The following TFDP2 variants were observed in gnomAD, a reference collection of about 807,000 sequenced individuals.
The protein encoded by TFDP2 is transcription factor Dp-2, also known as transcription factor Dp-2 (E2F dimerization partner 2).
A neutral mutation model predicts 59.3 loss-of-function variants in TFDP2; 17 were observed. The ratio of observed to expected loss-of-function variants is 0.29; its 90% confidence interval spans 0.20 to 0.43. TFDP2 has a LOEUF of 0.43. Among genes scored for constraint, TFDP2 ranks in the 20% least tolerant of loss-of-function variants. The pLI, the probability that TFDP2 is intolerant of heterozygous loss-of-function variation, is 1.00. For synonymous variants in TFDP2, 180 were observed against 194.7 expected (o/e 0.92, Z 0.63); for missense variants, 391 against 528.8 (o/e 0.74, Z 2.56).
At chr3:142,046,774 T>C (rs556067302) in intron 3 of TFDP2, among the ~76,000 whole-genome samples, 28 of 152,268 alleles carry the variant, frequency 1.8e-4, no homozygotes, top group Non-Finnish European at 3.5e-4. Flanking sequence ...TTTTAATCTG[T>C]ATTGCCAATC....
intron 6 of TFDP2, among the ~76,000 whole-genome samples, chr3:141,986,146 G>A (rs1056797238): frequency 2.0e-5 from 3 of 152,176 alleles, no homozygotes; most frequent in Non-Finnish European, 4.4e-5. Flanking sequence ...CACCACAGGA[G>A]CCCACAACAT....
intron 11 of TFDP2, among the ~76,000 whole-genome samples, chr3:141,957,786 A>G (rs1936880990): frequency 6.6e-6 from 1 of 152,198 alleles, no homozygotes; most frequent in Admixed American, 6.5e-5. Flanking sequence ...AGTGACACAA[A>G]GTAGATTAGT....
chr3:142,052,393 A>C (rs1352180799), intron 3 of TFDP2, among the ~76,000 whole-genome samples: 1 of 151,456 alleles, frequency 6.6e-6, no homozygotes, highest in African/African-American at 2.4e-5. Context: ...AAATACAAAA[A>C]AATTAGCCGG....
chr3:141,946,017 C>T lies in TFDP2; in HGVS notation c.*6496G>A, dbSNP rs765321843. On this transcript the variant is annotated 3_prime_UTR_variant, in exon 13 of 13. Transcript: ENST00000489671. ...GACACCACAGCCTCATGCTGGGGCT[C>T]GGGAAAGGAGTCCCACTTCTACCCC... is the stretch of plus-strand genomic sequence containing the variant. The T allele has an allele frequency of 3.3e-5, 5 of 152,214 alleles. No individual in the cohort carries two copies. The highest frequency in any genetic ancestry group is 4.8e-5 in the African/African-American group (2 of 41,430). The allele number at this position is 152,214 out of a possible 1,614,324, so 9.4% of individuals were successfully genotyped here.
At chr3:142,017,471 T>C (rs1418755259) in intron 3 of TFDP2, among the ~76,000 whole-genome samples, 2 of 151,934 alleles carry the variant, frequency 1.3e-5, no homozygotes, top group Non-Finnish European at 2.9e-5. Flanking sequence ...CCTTCCTTAG[T>C]GACAGCTGTG....
intron 3 of TFDP2, among the ~76,000 whole-genome samples, chr3:142,033,470 G>T (rs1178621945): frequency 6.6e-6 from 1 of 152,006 alleles, no homozygotes; most frequent in Admixed American, 6.6e-5. Flanking sequence ...AAACCCCTAT[G>T]CATGCTTTAT....
chr3:141,988,773 A>G (rs1942429876), intron 6 of TFDP2, among the ~76,000 whole-genome samples: 1 of 147,454 alleles, frequency 6.8e-6, no homozygotes, highest in Non-Finnish European at 1.5e-5. Flanking sequence ...GGTTCAAGCG[A>G]TTCTCCTGCC....
At chr3:142,059,654 A>G (rs2108510979) in intron 3 of TFDP2, among the ~76,000 whole-genome samples, 1 of 151,994 alleles carries the variant, frequency 6.6e-6, no homozygotes, top group South Asian at 2.1e-4. Flanking sequence ...ATCTCGGCTC[A>G]CTGCAATCTC....
Position 142,053,779 on chromosome 3 carries a change from C to G in TFDP2, c.82+39282G>C, listed in dbSNP as rs1560091966. Reference sequence around the variant, plus strand: ...TACACATGTGATAAAGGACTTGTAACATGAATAAGACAATAACAAGACAAA... The same window carrying G: ...TACACATGTGATAAAGGACTTGTAAGATGAATAAGACAATAACAAGACAAA... On this transcript the variant is annotated intron_variant, in intron 3 of 12. Coordinates refer to ENST00000489671, the MANE Select transcript of TFDP2 (RefSeq NM_001178139.2). Among the ~76,000 whole-genome samples, 3 of 152,214 alleles carry G rather than the reference C, an allele frequency of 2.0e-5. No homozygotes were observed. The South Asian group carries it at 6.2e-4, about 32-fold the overall frequency.
intron 1 of TFDP2, among the ~76,000 whole-genome samples, chr3:142,137,737 CTG>C (rs1355139305): frequency 6.6e-6 from 1 of 152,060 alleles, no homozygotes; most frequent in Non-Finnish European, 1.5e-5. Context: ...GCCGACTTGA[CTG>C]TGTTGGATAA....
chr3:142,004,558 A>G (rs908998212), intron 4 of TFDP2, among the ~76,000 whole-genome samples: 2 of 152,236 alleles, frequency 1.3e-5, no homozygotes, highest in African/African-American at 4.8e-5. Context: ...GTCTTCTGAA[A>G]GTGCTACACA....
At chr3:142,124,936 C>A (rs1363755722) in intron 1 of TFDP2, among the ~76,000 whole-genome samples, 1 of 152,090 alleles carries the variant, frequency 6.6e-6, no homozygotes, top group Non-Finnish European at 1.5e-5. Flanking sequence ...TAGATTACAC[C>A]TGTAACTCCA....
intron 6 of TFDP2, among the ~76,000 whole-genome samples, chr3:141,988,225 C>T (rs1177945687): frequency 6.6e-6 from 1 of 152,182 alleles, no homozygotes; most frequent in Non-Finnish European, 1.5e-5. Context: ...GGATGCCAGG[C>T]GTGAGCCACC....
At chr3:142,044,226 G>GTTTTT (rs142598439) in intron 3 of TFDP2, 10 of 118,258 alleles carry the variant, frequency 8.5e-5, no homozygotes, top group South Asian at 1.5e-4. Context: ...CAGCAAAAGG[G>GTTTTT]TTTTTTTTTT....
intron 4 of TFDP2, among the ~76,000 whole-genome samples, chr3:142,002,337 T>TTTC (rs1943864467): frequency 6.8e-6 from 1 of 146,274 alleles, no homozygotes; most frequent in Admixed American, 6.8e-5. Context: ...TTTTTTTTTT[T>TTTC]TGATAAAGAT....
At chr3:142,135,861 A>G (rs2062711366) in intron 1 of TFDP2, among the ~76,000 whole-genome samples, 1 of 152,054 alleles carries the variant, frequency 6.6e-6, no homozygotes, top group African/African-American at 2.4e-5. Flanking sequence ...GCTGCAATAA[A>G]CACACATGTG....
At chr3:141,992,041 CAA>C (rs563215187) in intron 6 of TFDP2, among the ~76,000 whole-genome samples, 11 of 44,140 alleles carry the variant, frequency 2.5e-4, no homozygotes, top group Admixed American at 5.4e-4. Flanking sequence ...GACTCCATCT[CAA>C]AAAAAAAAAA....
intron 10 of TFDP2, among the ~76,000 whole-genome samples, chr3:141,962,210 C>CT (rs11569267): frequency 0.075 from 11,334 of 152,050 alleles, 527 homozygotes; most frequent in Non-Finnish European, 0.11. Context: ...TCCCAAAGTG[C>CT]TGGGATTACA....
chr3:142,062,049 T>C (rs1189645726), intron 3 of TFDP2, among the ~76,000 whole-genome samples: 3 of 151,828 alleles, frequency 2.0e-5, no homozygotes, highest in Non-Finnish European at 2.9e-5. Context: ...CTCCTCTTCC[T>C]ACTCCTTCTC....
Sources: gnomAD v4.1 joint callset for allele counts (sites outside exome capture counted in the v4.1 genomes callset) on GRCh38, gnomAD v4.1.1 for gene constraint, MANE v1.5 for transcripts, NCBI Gene and HGNC (gene_info 2026-07-23, HGNC 2026-07-21) for gene names.